Variants in PCLO observed in about 807,000 individuals in gnomAD.
The protein encoded by PCLO is protein piccolo.
PCLO carries 82 observed loss-of-function variants against 427.5 expected under a neutral mutation model. The ratio of observed to expected loss-of-function variants is 0.19; its 90% CI spans 0.16 to 0.23. The LOEUF (loss-of-function observed/expected upper bound fraction) is 0.23, where lower values mean the gene tolerates loss of function less well. PCLO is among the 10% of genes least tolerant of loss of function. PCLO has a pLI of 1.00. For synonymous variants in PCLO, 2,357 were observed against 2,155.4 expected (o/e 1.09, Z -2.59); for missense variants, 6,239 against 6,115.9 (o/e 1.02, Z -0.67).
intron 3 of PCLO, among the ~76,000 whole-genome samples, chr7:82,979,753 G>T (rs573654599): frequency 2.0e-5 from 3 of 152,240 alleles, no homozygotes; most frequent in South Asian, 4.1e-4. Flanking sequence ...GTAAGGATGG[G>T]AAGTAGTGAT....
intron 3 of PCLO, among the ~76,000 whole-genome samples, chr7:83,108,955 T>C (rs73180523): frequency 0.041 from 6,242 of 152,218 alleles, 158 homozygotes; most frequent in South Asian, 0.072. Flanking sequence ...GTTTTTGACA[T>C]TGAAAATAAT....
intron 9 of PCLO, among the ~76,000 whole-genome samples, chr7:82,885,443 C>A (rs539383657): frequency 1.9e-4 from 29 of 152,216 alleles, no homozygotes; most frequent in African/African-American, 6.7e-4. Flanking sequence ...GATCAGGGAA[C>A]CCAGTTAAGC....
chr7:83,031,562 T>C (rs1225951020), intron 3 of PCLO, among the ~76,000 whole-genome samples: 7 of 152,146 alleles, frequency 4.6e-5, no homozygotes, highest in Admixed American at 6.5e-5. Context: ...AATGGTAAAA[T>C]TAAGATTCAG....
intron 3 of PCLO, among the ~76,000 whole-genome samples, chr7:83,097,302 C>T (rs1468307713): frequency 7.0e-6 from 1 of 142,372 alleles, no homozygotes; most frequent in African/African-American, 2.6e-5. Context: ...GTGGGCGGAT[C>T]ACGAGGTCAG....
At chr7:83,064,483 A>G (rs181330791) in intron 3 of PCLO, among the ~76,000 whole-genome samples, 263 of 152,132 alleles carry the variant, frequency 1.7e-3, no homozygotes, top group African/African-American at 6.2e-3. Flanking sequence ...GCTCATAATG[A>G]ACACAGCATC....
chr7:83,029,966 TG>T (rs1467310430), intron 3 of PCLO, among the ~76,000 whole-genome samples: 2 of 72,720 alleles, frequency 2.8e-5, no homozygotes, highest in East Asian at 4.6e-4. Flanking sequence ...TGTTGTGGGG[TG>T]GGGGGAGGGG....
At chr7:83,026,568 T>C (rs1161961816) in intron 3 of PCLO, among the ~76,000 whole-genome samples, 1 of 150,346 alleles carries the variant, frequency 6.7e-6, no homozygotes, top group African/African-American at 2.4e-5. Flanking sequence ...TCAACAAGGA[T>C]ACCCAGGAAT....
chr7:82,794,769 T>A (rs549793055), intron 22 of PCLO, among the ~76,000 whole-genome samples: 1 of 152,174 alleles, frequency 6.6e-6, no homozygotes, highest in African/African-American at 2.4e-5. Context: ...CCACTGCGCC[T>A]GGCTCTCCAG....
rs117530945 is a variant in PCLO, at chr7:82,872,768, C to T, written c.13654+6569G>A. Among the ~76,000 whole-genome samples, 13 of 152,118 alleles carry T rather than the reference C, an allele frequency of 8.5e-5. No individual in the cohort carries two copies. In the East Asian group the frequency reaches 1.9e-3, roughly 23 times the overall value. On this transcript the variant is annotated intron_variant, in intron 10 of 24. Coordinates refer to ENST00000333891, the MANE Select transcript of PCLO (RefSeq NM_033026.6). ...AGGGAATGCTTAAATCAAACTGCAG[C>T]GGAGACATACAGTAACAGAATTCTA...
rs1015084739 is a variant in PCLO at position 82,916,823 on chromosome 7, T to C, written c.11163A>G (p.Lys3721=). Residue 3721 remains lysine (K), a synonymous_variant, in exon 7 of 25, where the codon AAA becomes AAG. Transcript: ENST00000333891. The stretch of plus-strand genomic sequence containing the variant: ...CAGGAGGTGGATTTGGCAGAGTTCT[T>C]TTAACTTTTTTCTGGGCTCCAGAGG... The part of the protein sequence containing the change: ...MTSSGAQKKV[K]RTLPNPPPEE... The C allele has an allele frequency of 1.2e-6, 2 of 1,613,416 alleles. No individual in the cohort carries two copies. Among genetic ancestry groups the C allele is most frequent in the Admixed American group, 1.7e-5 (1 of 59,964 alleles).
intron 3 of PCLO, among the ~76,000 whole-genome samples, chr7:83,093,472 G>GTGTGTGTGTGTGTATATATATATA (rs745824155): frequency 9.1e-5 from 9 of 99,186 alleles, no homozygotes; most frequent in Admixed American, 2.5e-4. Flanking sequence ...ATGTGTGTGT[G>GTGTGTGTGTGTGTATATATATATA]TATAGATATA....
chr7:82,844,397 AG>A (rs1792446431), intron 13 of PCLO, among the ~76,000 whole-genome samples: 1 of 152,178 alleles, frequency 6.6e-6, no homozygotes, highest in South Asian at 2.1e-4. Flanking sequence ...GCAATGATTA[AG>A]GTCAACCTAC....
chr7:82,871,150 C>G (rs1793226749), intron 10 of PCLO, among the ~76,000 whole-genome samples: 1 of 151,930 alleles, frequency 6.6e-6, no homozygotes, highest in Non-Finnish European at 1.5e-5. Context: ...GAAGAGATAC[C>G]TGCACTCCCA....
intron 22 of PCLO, among the ~76,000 whole-genome samples, chr7:82,797,896 T>C (rs907408114): frequency 6.6e-6 from 1 of 152,134 alleles, no homozygotes; most frequent in African/African-American, 2.4e-5. Context: ...TGGAAAATTA[T>C]TGTTTTTAAA....
rs1227271390 is a variant in PCLO at position 83,094,859 on chromosome 7, C to A, written c.3300+39391G>T. Among the ~76,000 whole-genome samples the A allele has an allele frequency of 3.3e-5, 5 of 152,044 alleles. No individual in the cohort carries two copies. The East Asian group carries it at 9.7e-4, about 29-fold the overall frequency. On this transcript the variant is annotated intron_variant, in intron 3 of 24. Coordinates refer to ENST00000333891, the MANE Select transcript of PCLO (RefSeq NM_033026.6). Reference sequence around the variant, plus strand: ...AATTCTTTTCCTACATTGCTGAATTCTATCTGATAATATTTCTAAATGATT... The same window carrying A: ...AATTCTTTTCCTACATTGCTGAATTATATCTGATAATATTTCTAAATGATT...
At chr7:82,819,516 G>A (rs1791746156) in intron 20 of PCLO, among the ~76,000 whole-genome samples, 1 of 151,984 alleles carries the variant, frequency 6.6e-6, no homozygotes, top group South Asian at 2.1e-4. Context: ...GAAATCAACT[G>A]AACTTATTTG....
At chr7:82,962,390 A>G (rs944264382) in intron 4 of PCLO, among the ~76,000 whole-genome samples, 1 of 152,138 alleles carries the variant, frequency 6.6e-6, no homozygotes, top group Non-Finnish European at 1.5e-5. Flanking sequence ...GAATCAATAT[A>G]GTGACAAATC....
At chr7:82,761,538 T>C in intron 22 of PCLO, 45 bp from the exon 23 acceptor site, 2 of 1,433,820 alleles carry the variant, frequency 1.4e-6, no homozygotes, top group Non-Finnish European at 1.9e-6. Flanking sequence ...TAATGCCATA[T>C]ATGAAATGTT....
At position 82,922,784 on chromosome 7, in the gene PCLO, GTTC is replaced by G. The variant is rs559101419; in HGVS notation, c.11113-5914_11113-5912del. Among the ~76,000 whole-genome samples the G allele has an allele frequency of 3.4e-3, 511 of 152,074 alleles. 4 individuals are homozygous for G. Among genetic ancestry groups the G allele is most frequent in the Non-Finnish European group, 5.4e-3 (368 of 67,918 alleles). ...GAACTACCTCATCTTTTGCTAAATA[GTTC>G]TCAGTGTCAATATCAAAGATATACT... On this transcript the variant is annotated intron_variant, in intron 6 of 24. Coordinates refer to ENST00000333891, the MANE Select transcript of PCLO (RefSeq NM_033026.6).
Sources: gnomAD v4.1 joint callset for allele counts (sites outside exome capture counted in the v4.1 genomes callset) on GRCh38, gnomAD v4.1.1 for gene constraint, MANE v1.5 for transcripts, NCBI Gene and HGNC (gene_info 2026-07-23, HGNC 2026-07-21) for gene names.